The following IFT172 variants were observed in gnomAD, a reference collection of about 807,000 sequenced individuals.
IFT172 encodes the protein intraflagellar transport protein 172 homolog.
IFT172 carries 164 observed loss-of-function variants against 248.9 expected under a neutral mutation model. The ratio of observed to expected loss-of-function variants is 0.66; its 90% CI spans 0.58 to 0.75. The LOEUF is 0.75. IFT172 is among the 30% of genes least tolerant of loss of function. The pLI is 0.00. For synonymous variants in IFT172, 729 were observed against 791.6 expected (o/e 0.92, Z 1.33); for missense variants, 1,950 against 2,192.4 (o/e 0.89, Z 2.21).
At chr2:27,463,501 TTA>T (rs756471347) in intron 18 of IFT172, among the ~76,000 whole-genome samples, 3 of 151,640 alleles carry the variant, frequency 2.0e-5, no homozygotes, top group Non-Finnish European at 4.4e-5. Flanking sequence ...TCTTAAAACA[TTA>T]TGAGATTTTT....
chr2:27,483,001 C>CTTTTTTTTTTT (rs10651081), intron 7 of IFT172, among the ~76,000 whole-genome samples: 1 of 123,802 alleles, frequency 8.1e-6, no homozygotes, highest in African/African-American at 3.1e-5. Context: ...TCCACAGCAT[C>CTTTTTTTTTTT]TTTTTTTTTT....
chr2:27,449,506 A>G lies in IFT172; in HGVS notation c.4217T>C (p.Val1406Ala). 1 of 1,614,150 alleles carries G rather than the reference A, an allele frequency of 6.2e-7. No homozygotes were observed. ...YKEFLKNQGK[V>A]DSLVGVDVIA... is the part of the protein sequence containing the mutation. ...TAACTCTCCAAGTCTCACCGAGTCCACTTTGCCCTGATTCTTGAGGAACTC... is the reference window on the plus strand; with the variant it reads ...TAACTCTCCAAGTCTCACCGAGTCCGCTTTGCCCTGATTCTTGAGGAACTC... Residue 1406 changes from valine (V) to alanine (A), a missense_variant, in exon 38 of 48, where the codon GTG (valine) becomes GCG (alanine). Val to Ala is a moderately conservative substitution (Grantham distance 64). Coordinates refer to ENST00000260570, the MANE Select transcript of IFT172 (RefSeq NM_015662.3).
chr2:27,458,659 T>G, intron 26 of IFT172, 120 bp downstream of exon 26: 1 of 1,166,050 alleles, frequency 8.6e-7, no homozygotes, highest in Non-Finnish European at 1.2e-6. Context: ...TCAGACTGTT[T>G]TTTGGTACTC....
chr2:27,461,678 T>C, intron 21 of IFT172, 81 bp downstream of exon 21: 2 of 1,579,022 alleles, frequency 1.3e-6, no homozygotes, highest in Non-Finnish European at 1.7e-6. Context: ...TTCTGGTTTC[T>C]ATGGCCTCCT....
At position 27,453,962 on chromosome 2, in the gene IFT172, C is replaced by A; in HGVS notation, c.3711+20G>T. 6.2e-7 allele frequency: 1 copy of A among 1,603,070 alleles called. No homozygotes were observed. On this transcript the variant is annotated intron_variant, in intron 33 of 47. Transcript: ENST00000260570. ...ACAAACTCTCCCCCTCCCCTCATGG[C>A]CCTGCATCCAGTGCCCCACCTTATA...
chr2:27,453,315 G>A, intron 35 of IFT172, 69 bp downstream of exon 35: 4 of 1,580,716 alleles, frequency 2.5e-6, no homozygotes, highest in Non-Finnish European at 3.5e-6. Context: ...CTGAAGATGT[G>A]AGAAGCAGAG....
In IFT172 at chr2:27,476,722, G is replaced by A. The variant is rs1038040281; in HGVS notation, c.1330C>T (p.Arg444Cys). 1.1e-5 allele frequency: 17 copies of A among 1,610,658 alleles called. No individual in the cohort carries two copies. The highest frequency in any genetic ancestry group is 1.7e-5 in the Admixed American group (1 of 59,930). The change falls in exon 14 of 48, where the codon CGT becomes TGT. Residue 444 changes from arginine (R) to cysteine (C), a missense_variant. Arg to Cys is a radical substitution (Grantham distance 180). Transcript: ENST00000260570. ...EFMNPHLISVRINERCQRGTE... is the reference protein window; with the variant it reads ...EFMNPHLISVCINERCQRGTE... ...CCTCGCTGACACCTCTCATTAATAC[G>A]AACACTGAAACATGAAGGGTGAGGT...
In IFT172 at chr2:27,457,698, C is replaced by T. The variant is rs965308990; in HGVS notation, c.3169G>A (p.Glu1057Lys). Residue 1057 changes from glutamate to lysine, a missense_variant, in exon 29 of 48, where the codon GAA becomes AAA. Physicochemically the swap from Glu to Lys is moderately conservative, Grantham distance 56 (BLOSUM62 1). Around this residue, in one of 3 missense-constraint regions of IFT172, gnomAD observed 164 missense variants for 239.3 expected, o/e 0.69. Transcript: ENST00000260570. Reference protein sequence around the residue: ...EAEYHYLEAQEWKATVNMYRA... With the variant: ...EAEYHYLEAQKWKATVNMYRA... ...TACATGTTCACTGTTGCCTTCCATT[C>T]CTGGGCCTCGAGGTAGTGGTACTCA... is the stretch of plus-strand genomic sequence containing the variant. The T allele has an allele frequency of 1.9e-6, 3 of 1,614,086 alleles. No individual in the cohort carries two copies. Among genetic ancestry groups the T allele is most frequent in the African/African-American group, 1.3e-5 (1 of 74,932 alleles).
At chr2:27,483,833 C>T in intron 5 of IFT172, 39 bp downstream of exon 5, 1 of 1,544,462 alleles carries the variant, frequency 6.5e-7, no homozygotes, top group Non-Finnish European at 9.0e-7. Flanking sequence ...ACCATTATCC[C>T]TACCACCCCC....
intron 18 of IFT172, 98 bp downstream of exon 18, chr2:27,465,313 A>T (rs1667002884): frequency 1.1e-6 from 1 of 940,134 alleles, no homozygotes; most frequent in Non-Finnish European, 1.7e-6. Context: ...GAAGGGAGGG[A>T]GTACCTTAAC....
rs780429245 is a variant in IFT172, at chr2:27,454,557, A to G, written c.3465+10T>C. 8 of 1,613,682 alleles carry G rather than the reference A, an allele frequency of 5.0e-6. No individual in the cohort carries two copies. In the East Asian group the frequency reaches 1.8e-4, roughly 36 times the overall value. ...GGGCTCTGCGGTCGGGGTCCAAATC[A>G]CACCCATACCTCATCCTCCAGGAAC... On this transcript the variant is annotated intron_variant, in intron 31 of 47. Transcript: ENST00000260570. This position sits in a 1 kb window ranked among gnomAD's most constrained non-coding sequence, Gnocchi z 4.2.
intron 18 of IFT172, among the ~76,000 whole-genome samples, chr2:27,464,847 G>C (rs958709936): frequency 6.6e-6 from 1 of 151,650 alleles, no homozygotes; most frequent in African/African-American, 2.4e-5. Context: ...CAAACTCCTG[G>C]CTTCAAGTGA....
intron 30 of IFT172, chr2:27,455,167 G>C (rs1459986849): frequency 3.4e-6 from 1 of 293,916 alleles, no homozygotes; most frequent in Non-Finnish European, 6.6e-6. Flanking sequence ...TAGTGCGCAT[G>C]AATGTCCTGG....
intron 26 of IFT172, 59 bp downstream of exon 26, chr2:27,458,720 A>G (rs1666385027): frequency 6.3e-7 from 1 of 1,583,864 alleles, no homozygotes; most frequent in Non-Finnish European, 8.6e-7. Context: ...GTATCAAGGA[A>G]TGAGGCCACA....
chr2:27,479,123 GCCTCC>G (rs1668164934), intron 10 of IFT172, among the ~76,000 whole-genome samples: 1 of 151,982 alleles, frequency 6.6e-6, no homozygotes, highest in Non-Finnish European at 1.5e-5. Context: ...TCCTGCCTCA[GCCTCC>G]CAAGTAGCTG....
rs550224307 is a variant in IFT172, at chr2:27,445,746, G to A, written c.4913C>T (p.Pro1638Leu). 8 of 1,614,140 alleles carry A rather than the reference G, an allele frequency of 5.0e-6. No homozygotes were observed. The highest frequency in any genetic ancestry group is 3.3e-5 in the South Asian group (3 of 91,082). The part of the protein sequence containing the change: ...EVPLPAKQHV[P>L]EAEREEVRDW... ...GGTTTTCCAACCCTGTGCCCTTACC[G>A]GTACATGCTGCTTAGCTGGGAGTGG... Residue 1638 changes from proline (P) to leucine (L), a missense_variant and splice_region_variant, in exon 45 of 48, where the codon CCG becomes CTG. This residue lies in a region of IFT172 where 620 missense variants were observed against 699.0 expected (regional missense o/e 0.89). Coordinates refer to ENST00000260570, the MANE Select transcript of IFT172 (RefSeq NM_015662.3). The surrounding 1 kb of genome is among the most constrained non-coding windows in gnomAD (Gnocchi z 4.4).
intron 16 of IFT172, among the ~76,000 whole-genome samples, chr2:27,467,973 A>G (rs1667236552): frequency 6.6e-6 from 1 of 152,050 alleles, no homozygotes; most frequent in East Asian, 1.9e-4. Context: ...ACCCTGGCCA[A>G]CACGGTGAAA....
intron 18 of IFT172, chr2:27,465,066 C>T (rs978971246): frequency 2.6e-5 from 6 of 227,772 alleles, no homozygotes; most frequent in South Asian, 6.9e-5. Context: ...GGATTACAGG[C>T]GCCCGCCACT....
chr2:27,464,607 A>G (rs1365364645), intron 18 of IFT172, among the ~76,000 whole-genome samples: 1 of 151,806 alleles, frequency 6.6e-6, no homozygotes, highest in Non-Finnish European at 1.5e-5. Context: ...AATAAAAGAC[A>G]TACTCTTGTT....
Sources: gnomAD v4.1 joint callset for allele counts (sites outside exome capture counted in the v4.1 genomes callset) on GRCh38, gnomAD v4.1.1 for gene constraint, gnomAD v4.1.1 regional missense constraint, Gnocchi (gnomAD v3.1) non-coding constraint, MANE v1.5 for transcripts, NCBI Gene and HGNC (gene_info 2026-07-23, HGNC 2026-07-21) for gene names.